The following ZC3H12B variants were observed in gnomAD, a reference collection of about 807,000 sequenced individuals.
The protein encoded by ZC3H12B is zinc finger CCCH-type containing 12B.
In ZC3H12B, 7 loss-of-function variants were observed where a neutral mutation model predicts 43.9. The observed-to-expected ratio is 0.16, with a 90% CI of 0.09 to 0.30. ZC3H12B has a LOEUF of 0.30. ZC3H12B is among the 10% of genes least tolerant of loss of function. ZC3H12B has a pLI of 1.00. For synonymous variants in ZC3H12B, 222 were observed against 241.7 expected, an observed-to-expected ratio of 0.92 and a Z score of 0.76; for missense variants, 475 against 670.2, an observed-to-expected ratio of 0.71 and a Z score of 3.22.
intron 3 of ZC3H12B, among the ~76,000 whole-genome samples, chrX:65,434,349 A>G (rs1045502829): frequency 1.8e-5 from 2 of 112,184 alleles, no homozygotes; most frequent in Admixed American, 9.4e-5. Context: ...TAGCATTCCA[A>G]TCTTCCTAAG....
chrX:65,144,267 A>G, the ZC3H12B span, among the ~76,000 whole-genome samples: 1 of 111,697 alleles, frequency 9.0e-6, no homozygotes, highest in African/African-American at 3.3e-5. Flanking sequence ...TTATCTACAT[A>G]AAGGTGTTCA....
the ZC3H12B span, among the ~76,000 whole-genome samples, chrX:65,154,914 T>C: frequency 9.0e-6 from 1 of 111,340 alleles, no homozygotes; most frequent in Non-Finnish European, 1.9e-5. Flanking sequence ...GGTTTTTAAA[T>C]GGTTATTATC....
At chrX:65,251,209 T>G in the ZC3H12B span, among the ~76,000 whole-genome samples, 2 of 111,841 alleles carry the variant, frequency 1.8e-5, no homozygotes, top group Non-Finnish European at 3.8e-5. Flanking sequence ...TTTCCCCATT[T>G]CTTGTTTTTG....
intron 1 of ZC3H12B, among the ~76,000 whole-genome samples, chrX:65,492,543 A>T (rs753778517): frequency 1.8e-5 from 2 of 111,940 alleles, no homozygotes; most frequent in Admixed American, 1.9e-4. Flanking sequence ...AATTTTTTTT[A>T]AATTGCCAGT....
At chrX:65,437,543 T>C (rs1428253738) in intron 3 of ZC3H12B, among the ~76,000 whole-genome samples, 2 of 112,568 alleles carry the variant, frequency 1.8e-5, no homozygotes, top group African/African-American at 6.5e-5. Flanking sequence ...TTGTATGTCT[T>C]CTTTTAAGAA....
chrX:65,057,931 C>A, the ZC3H12B span, among the ~76,000 whole-genome samples: 1 of 111,920 alleles, frequency 8.9e-6, no homozygotes, highest in African/African-American at 3.2e-5. Flanking sequence ...TTTTCAGCTC[C>A]TTCTGGTCAT....
intron 3 of ZC3H12B, among the ~76,000 whole-genome samples, chrX:65,427,800 T>G (rs1391482761): frequency 8.9e-6 from 1 of 112,175 alleles, no homozygotes; most frequent in African/African-American, 3.2e-5. Context: ...GATTTGATTC[T>G]GTCATCATGA....
At chrX:65,492,169 G>C (rs777072403) in intron 1 of ZC3H12B, among the ~76,000 whole-genome samples, 1 of 110,957 alleles carries the variant, frequency 9.0e-6, no homozygotes, top group African/African-American at 3.3e-5. Context: ...GGTTTGGTCT[G>C]GTTTTGTGTT....
chrX:65,187,998 A>T, the ZC3H12B span, among the ~76,000 whole-genome samples: 1 of 110,996 alleles, frequency 9.0e-6, no homozygotes, highest in South Asian at 3.8e-4. Context: ...TCTACTCTTG[A>T]TCTACATGAG....
chrX:65,193,869 A>G, the ZC3H12B span, among the ~76,000 whole-genome samples: 39 of 111,484 alleles, frequency 3.5e-4, no homozygotes, highest in Non-Finnish European at 5.6e-4. Flanking sequence ...TTATAAAGAA[A>G]AGAAGTTTAA....
the ZC3H12B span, among the ~76,000 whole-genome samples, chrX:65,160,165 C>T: frequency 9.0e-6 from 1 of 111,645 alleles, no homozygotes; most frequent in Non-Finnish European, 1.9e-5. Flanking sequence ...TTCGATTTGC[C>T]AGTATTTTAT....
the ZC3H12B span, among the ~76,000 whole-genome samples, chrX:65,310,619 C>T: frequency 8.9e-6 from 1 of 112,012 alleles, no homozygotes; most frequent in African/African-American, 3.3e-5. Flanking sequence ...CTACCAATGA[C>T]TTTCTTCACA....
chrX:65,166,867 T>C, the ZC3H12B span, among the ~76,000 whole-genome samples: 2 of 111,629 alleles, frequency 1.8e-5, no homozygotes, highest in Non-Finnish European at 3.8e-5. Context: ...TTCATGTCTT[T>C]CGCCCACTTT....
At chrX:65,461,612 A>G (rs982178060) in intron 3 of ZC3H12B, among the ~76,000 whole-genome samples, 1 of 111,931 alleles carries the variant, frequency 8.9e-6, no homozygotes, top group African/African-American at 3.3e-5. Context: ...ACAAAAAACC[A>G]AACACCAAAT....
chrX:65,245,320 G>C, the ZC3H12B span, among the ~76,000 whole-genome samples: 1 of 111,817 alleles, frequency 8.9e-6, no homozygotes, highest in Non-Finnish European at 1.9e-5. Flanking sequence ...AAGGAGGAGG[G>C]ATTCCTCCCT....
chrX:65,141,561 T>C, the ZC3H12B span, among the ~76,000 whole-genome samples: 1 of 109,460 alleles, frequency 9.1e-6, no homozygotes, highest in Non-Finnish European at 1.9e-5. Flanking sequence ...GAACAAGTGG[T>C]GTTTGGTTTC....
chrX:65,037,313 T>C, the ZC3H12B span, among the ~76,000 whole-genome samples: 1 of 111,772 alleles, frequency 8.9e-6, no homozygotes, highest in East Asian at 2.8e-4. Flanking sequence ...GATTTGGCTC[T>C]TAATAGAAGT....
chrX:65,360,161 A>G, the ZC3H12B span, among the ~76,000 whole-genome samples: 44 of 112,612 alleles, frequency 3.9e-4, no homozygotes, highest in East Asian at 5.2e-3. Context: ...TAGAGTGTAA[A>G]CATAACTTTT....
chrX:65,217,194 G>A, the ZC3H12B span, among the ~76,000 whole-genome samples: 11 of 112,326 alleles, frequency 9.8e-5, no homozygotes, highest in East Asian at 2.8e-4. Context: ...TCCAGCAAGC[G>A]TGCGTATCCA....
Sources: allele counts gnomAD v4.1 joint callset (sites outside exome capture counted in the v4.1 genomes callset), GRCh38; gene constraint gnomAD v4.1.1; transcripts MANE v1.5; gene names NCBI Gene and HGNC (gene_info 2026-07-23, HGNC 2026-07-21).